Variants in DBF4B observed in about 807,000 individuals in gnomAD.
DBF4B encodes the protein protein DBF4 homolog B.
DBF4B carries 49 observed loss-of-function variants against 53.4 expected under a neutral mutation model. The observed-to-expected ratio is 0.92, with a 90% CI of 0.73 to 1.16. The LOEUF (loss-of-function observed/expected upper bound fraction) is 1.16. Ranked by LOEUF, DBF4B falls within the 50% of genes most tolerant of loss-of-function variation. The probability of loss-of-function intolerance (pLI) is 0.00; values close to 1 mark genes in which losing one functional copy is unlikely to be tolerated. For missense variants in DBF4B, 692 were observed against 775.0 expected (o/e 0.89, Z 1.27); for synonymous variants, 257 against 288.7 (o/e 0.89, Z 1.11).
At chr17:44,719,324 A>G (rs1349939711) in intron 2 of DBF4B, among the ~76,000 whole-genome samples, 2 of 151,938 alleles carry the variant, frequency 1.3e-5, no homozygotes, top group South Asian at 4.2e-4. Flanking sequence ...CAATTCATCC[A>G]TATAAAGCGT....
chr17:44,749,070 C>T lies in DBF4B; in HGVS notation c.1189+605C>T, dbSNP rs1035336030. 4.7e-6 allele frequency: 6 copies of T among 1,289,700 alleles called. No homozygotes were observed. In the Admixed American group the frequency reaches 1.4e-4, roughly 30 times the overall value. The allele number at this position is 1,289,700 out of a possible 1,614,324, so 79.9% of individuals were successfully genotyped here. Reference sequence around the variant, plus strand: ...AGGCTGGCCAGCTCCTCAGCTGCCCCACAGCTCCAGGCTGGCCATCAGCTC... The same window carrying T: ...AGGCTGGCCAGCTCCTCAGCTGCCCTACAGCTCCAGGCTGGCCATCAGCTC... On this transcript the variant is annotated intron_variant, in intron 13 of 13. Coordinates refer to ENST00000315005, the MANE Select transcript of DBF4B (RefSeq NM_145663.3). This position sits in a 1 kb window ranked among gnomAD's most constrained non-coding sequence, Gnocchi z 4.4.
At chr17:44,733,928 G>C in intron 6 of DBF4B, 162 bp from the exon 7 acceptor site, 1 of 623,396 alleles carries the variant, frequency 1.6e-6, no homozygotes, top group Non-Finnish European at 2.9e-6. Flanking sequence ...AACCTCCGCT[G>C]TCAGGAGATG....
chr17:44,743,607 CTTTTTTTTTTTT>C (rs71136042), intron 10 of DBF4B, among the ~76,000 whole-genome samples: 1 of 114,086 alleles, frequency 8.8e-6, no homozygotes, highest in African/African-American at 3.5e-5. Flanking sequence ...CTGTATGATT[CTTTTTTTTTTTT>C]TTTTTTTTTG....
chr17:44,744,087 C>A (rs933507009), intron 10 of DBF4B, among the ~76,000 whole-genome samples: 3 of 52,082 alleles, frequency 5.8e-5, no homozygotes, highest in Non-Finnish European at 1.3e-4. Context: ...GACCACCCCC[C>A]CCCCCCCCCG....
chr17:44,727,978 A>C (rs1312794024), intron 3 of DBF4B, among the ~76,000 whole-genome samples: 1 of 148,546 alleles, frequency 6.7e-6, no homozygotes, highest in East Asian at 2.0e-4. Flanking sequence ...TTGGCCTCCC[A>C]AAGTGCTAGG....
At chr17:44,709,829 GGTAA>G (rs1375065382) in intron 2 of DBF4B, among the ~76,000 whole-genome samples, 2 of 151,348 alleles carry the variant, frequency 1.3e-5, no homozygotes, top group Admixed American at 6.6e-5. Flanking sequence ...TACCTAATTA[GGTAA>G]GTATTTTAGC....
chr17:44,735,336 TC>T (rs916547363), intron 7 of DBF4B, among the ~76,000 whole-genome samples: 3 of 151,904 alleles, frequency 2.0e-5, no homozygotes, highest in Non-Finnish European at 2.9e-5. Flanking sequence ...TGTCAAAAAT[TC>T]CCCCCTTCTA....
intron 2 of DBF4B, among the ~76,000 whole-genome samples, chr17:44,719,332 C>T (rs552661006): frequency 1.3e-5 from 2 of 152,098 alleles, no homozygotes; most frequent in East Asian, 1.9e-4. Flanking sequence ...CCATATAAAG[C>T]GTACAATTCA....
chr17:44,742,308 G>A (rs1171022623), intron 10 of DBF4B, among the ~76,000 whole-genome samples: 1 of 151,692 alleles, frequency 6.6e-6, no homozygotes, highest in Non-Finnish European at 1.5e-5. Flanking sequence ...TACTTGGGAG[G>A]CTGAGGCAGG....
Position 44,751,490 on chromosome 17 carries a change from A to G in DBF4B, c.*237A>G, listed in dbSNP as rs1007704251. On this transcript the variant is annotated 3_prime_UTR_variant, in exon 14 of 14. Transcript: ENST00000315005. ...TTCTGAAGAGGTGTCCTCCCTCCAC[A>G]AGTCACACTGTCTGTCCCTGGCCCT... is the stretch of plus-strand genomic sequence containing the variant. The G allele has an allele frequency of 9.3e-6, 13 of 1,399,520 alleles. No homozygotes were observed. The East Asian group carries it at 1.6e-4, about 17-fold the overall frequency. 86.7% of individuals were successfully genotyped at this position (1,399,520 alleles called of 1,614,324 possible). A position where few individuals can be genotyped will look rare whatever the true frequency, so the allele number is the denominator to read the frequency against.
At chr17:44,718,552 T>G (rs939900459) in intron 2 of DBF4B, among the ~76,000 whole-genome samples, 1 of 152,036 alleles carries the variant, frequency 6.6e-6, no homozygotes. Flanking sequence ...TAAATTTGGG[T>G]TTGTTTGGTA....
rs750168554 is a variant in DBF4B, at chr17:44,723,022, G to T, written c.225G>T (p.Gly75=). 6.2e-7 allele frequency: 1 copy of T among 1,613,896 alleles called. No individual in the cohort carries two copies. ...FLTGAIQQLG[G]VIEGFLSKEV... ...CGGGGGCCATTCAGCAACTGGGTGG[G>T]GTAGGTAACCTGCTCTTCTCCTGCG... The change falls in exon 3 of 14, where the codon GGG becomes GGT. Residue 75 remains glycine, a splice_region_variant and synonymous_variant. Coordinates refer to ENST00000315005, the MANE Select transcript of DBF4B (RefSeq NM_145663.3).
chr17:44,708,840 G>C lies in DBF4B; in HGVS notation c.19+1G>C. ...CATTTGATGAGCGAACCGGGAAAGG[G>C]TACGGATGCCGGGAAGGGGAGAAAG... On this transcript the variant is annotated splice_donor_variant, in intron 1 of 13. Coordinates refer to ENST00000315005, the MANE Select transcript of DBF4B (RefSeq NM_145663.3). LOFTEE classifies it high-confidence loss of function. The C allele has an allele frequency of 6.4e-7, 1 of 1,551,434 alleles. No individual in the cohort carries two copies. The highest frequency in any genetic ancestry group is 8.7e-7 in the Non-Finnish European group (1 of 1,146,986).
chr17:44,723,094 A>G (rs1401362527), intron 3 of DBF4B, 72 bp downstream of exon 3: 1 of 1,563,030 alleles, frequency 6.4e-7, no homozygotes, highest in African/African-American at 1.4e-5. Context: ...GATGGGGATT[A>G]TATCTATGGT....
At chr17:44,738,141 C>T (rs1899947847) in intron 8 of DBF4B, among the ~76,000 whole-genome samples, 1 of 152,220 alleles carries the variant, frequency 6.6e-6, no homozygotes, top group African/African-American at 2.4e-5. Context: ...AGGAAGGGCC[C>T]ATCTAGGGCT....
intron 3 of DBF4B, 45 bp downstream of exon 3, chr17:44,723,067 G>T: frequency 1.2e-6 from 2 of 1,608,134 alleles, no homozygotes; most frequent in Non-Finnish European, 1.7e-6. Flanking sequence ...GCCTTTGCAG[G>T]CTTAGAGCAG....
At chr17:44,742,012 C>A (rs1193192548) in intron 10 of DBF4B, among the ~76,000 whole-genome samples, 8 of 150,646 alleles carry the variant, frequency 5.3e-5, no homozygotes, top group Non-Finnish European at 8.9e-5. Flanking sequence ...TTTGAGATGC[C>A]AAAGTGGGAG....
At chr17:44,740,690 T>C (rs1191403718) in intron 9 of DBF4B, among the ~76,000 whole-genome samples, 1 of 152,358 alleles carries the variant, frequency 6.6e-6, no homozygotes, top group South Asian at 2.1e-4. Context: ...TCTGGAGATG[T>C]GGCTTCTGAT....
chr17:44,731,293 G>A, intron 5 of DBF4B: 1 of 375,582 alleles, frequency 2.7e-6, no homozygotes, highest in South Asian at 2.5e-5. Flanking sequence ...GGGTTGCTGG[G>A]TACAGAAGCC....
Sources: allele counts gnomAD v4.1 joint callset (sites outside exome capture counted in the v4.1 genomes callset), GRCh38; gene constraint gnomAD v4.1.1; non-coding constraint Gnocchi (gnomAD v3.1); transcripts MANE v1.5; gene names NCBI Gene and HGNC (gene_info 2026-07-23, HGNC 2026-07-21).